The following PRKAR1B variants were observed in gnomAD, a reference collection of about 807,000 sequenced individuals.
PRKAR1B encodes the protein protein kinase cAMP-dependent type I regulatory subunit beta.
In PRKAR1B, 22 loss-of-function variants were observed where a neutral mutation model predicts 46.5. The ratio of observed to expected loss-of-function variants is 0.47; its 90% confidence interval spans 0.34 to 0.68. PRKAR1B has a LOEUF of 0.68. Among genes scored for constraint, PRKAR1B ranks in the 30% least tolerant of loss-of-function variants. PRKAR1B has a pLI of 0.01. For missense variants in PRKAR1B, 445 were observed against 535.6 expected (o/e 0.83, Z 1.67); for synonymous variants, 259 against 217.7 (o/e 1.19, Z -1.67).
intron 7 of PRKAR1B, among the ~76,000 whole-genome samples, chr7:591,555 C>T (rs1342967097): frequency 6.6e-6 from 1 of 152,176 alleles, no homozygotes; most frequent in Non-Finnish European, 1.5e-5. Context: ...AAAACTGGAG[C>T]GTTGATAACG....
chr7:699,854 G>C (rs1411475673), intron 2 of PRKAR1B, among the ~76,000 whole-genome samples: 2 of 152,182 alleles, frequency 1.3e-5, no homozygotes, highest in Non-Finnish European at 2.9e-5. Flanking sequence ...TTAAGAAGGG[G>C]GAGCAGTTCA....
intron 2 of PRKAR1B, among the ~76,000 whole-genome samples, chr7:710,109 T>C (rs748469716): frequency 1.3e-5 from 2 of 152,200 alleles, no homozygotes; most frequent in African/African-American, 4.8e-5. Flanking sequence ...AGAGTTATAT[T>C]CACTCCTTTG....
At chr7:643,735 G>A (rs976272402) in intron 4 of PRKAR1B, among the ~76,000 whole-genome samples, 2 of 151,496 alleles carry the variant, frequency 1.3e-5, no homozygotes, top group African/African-American at 4.9e-5. Flanking sequence ...AAAAAAAAAA[G>A]TCGCAGCTTC....
At chr7:599,367 G>A (rs1370967437) in intron 6 of PRKAR1B, among the ~76,000 whole-genome samples, 2 of 151,388 alleles carry the variant, frequency 1.3e-5, no homozygotes, top group East Asian at 1.9e-4. Flanking sequence ...GTGCGATCTC[G>A]GCTCACCGCA....
chr7:658,710 G>T (rs1442420912), intron 4 of PRKAR1B, among the ~76,000 whole-genome samples: 1 of 152,078 alleles, frequency 6.6e-6, no homozygotes, highest in Non-Finnish European at 1.5e-5. Context: ...GAGTGCAGTG[G>T]TGCATTCTCA....
At chr7:694,298 AAC>A (rs1235334198) in intron 2 of PRKAR1B, among the ~76,000 whole-genome samples, 2 of 152,022 alleles carry the variant, frequency 1.3e-5, no homozygotes, top group Non-Finnish European at 2.9e-5. Flanking sequence ...AAAAAGAAAA[AAC>A]AGTGAGACCC....
intron 2 of PRKAR1B, among the ~76,000 whole-genome samples, chr7:707,343 AT>A (rs1244307538): frequency 1.3e-5 from 2 of 152,120 alleles, no homozygotes; most frequent in South Asian, 2.1e-4. Context: ...CGCCCCTCAG[AT>A]TTTTTTCTTT....
rs1014983486 is a variant in PRKAR1B at position 579,303 on chromosome 7, T to C, written c.844A>G (p.Ile282Val). Residue 282 changes from isoleucine (I) to valine (V), a missense_variant, in exon 9 of 11, where the codon ATT (isoleucine) becomes GTT (valine). Physicochemically the swap from Ile to Val is conservative, Grantham distance 29. Around this residue, in one of 5 missense-constraint regions of PRKAR1B, gnomAD observed 51 missense variants for 85.1 expected, o/e 0.60. Transcript: ENST00000537384. ...TCCCCAGGCTCTCCCTGGACCACAATTTTCTCTCCATCTTCAAACTGGACG... is the reference window on the plus strand; with the variant it reads ...TCCCCAGGCTCTCCCTGGACCACAACTTTCTCTCCATCTTCAAACTGGACG... ...EPVQFEDGEK[I>V]VVQGEPGDDF... 4 of 1,613,994 alleles carry C rather than the reference T, an allele frequency of 2.5e-6. No individual in the cohort carries two copies. The highest frequency in any genetic ancestry group is 1.3e-5 in the African/African-American group (1 of 74,922).
At chr7:709,361 G>GT (rs1246158290) in intron 2 of PRKAR1B, among the ~76,000 whole-genome samples, 1 of 146,760 alleles carries the variant, frequency 6.8e-6, no homozygotes, top group Non-Finnish European at 1.5e-5. Context: ...ATGTGTGTGT[G>GT]TATGTATTTC....
At chr7:687,938 A>C (rs1779182960) in intron 2 of PRKAR1B, among the ~76,000 whole-genome samples, 1 of 151,134 alleles carries the variant, frequency 6.6e-6, no homozygotes, top group African/African-American at 2.4e-5. Flanking sequence ...TCTACCAAAA[A>C]TACAAAAATT....
At chr7:683,851 G>A (rs1288577494) in intron 2 of PRKAR1B, among the ~76,000 whole-genome samples, 1 of 152,262 alleles carries the variant, frequency 6.6e-6, no homozygotes, top group Non-Finnish European at 1.5e-5. Flanking sequence ...CCAGCCCGAT[G>A]TGGCCGTCTG....
chr7:711,453 C>T lies in PRKAR1B; in HGVS notation c.53G>A (p.Cys18Tyr), dbSNP rs1457441061. ...CCCGTGCAGCTGCACGTACAGCTCACAGCCCTTCAGGCTCTCGTCCTCCTC... is the reference window on the plus strand; with the variant it reads ...CCCGTGCAGCTGCACGTACAGCTCATAGCCCTTCAGGCTCTCGTCCTCCTC... ...PSEEDESLKG[C>Y]ELYVQLHGIQ... is the part of the protein sequence containing the mutation. Residue 18 changes from cysteine to tyrosine, a missense_variant, in exon 2 of 11, where the codon TGT becomes TAT. Around this residue, in one of 5 missense-constraint regions of PRKAR1B, gnomAD observed 155 missense variants for 127.5 expected, o/e 1.22. Coordinates refer to ENST00000537384, the MANE Select transcript of PRKAR1B (RefSeq NM_001164760.2). The T allele has an allele frequency of 6.2e-7, 1 of 1,614,212 alleles. No homozygotes were observed. The highest frequency in any genetic ancestry group is 1.1e-5 in the South Asian group (1 of 91,084).
At chr7:576,965 T>C (rs1779871944) in intron 9 of PRKAR1B, among the ~76,000 whole-genome samples, 1 of 151,974 alleles carries the variant, frequency 6.6e-6, no homozygotes, top group Admixed American at 6.5e-5. Flanking sequence ...TCCAACGCCA[T>C]CAGCGGCCTC....
intron 1 of PRKAR1B, 29 bp from the exon 2 acceptor site, chr7:711,556 C>A: frequency 1.3e-6 from 2 of 1,593,860 alleles, no homozygotes; most frequent in Non-Finnish European, 1.7e-6. Context: ...GATCCCCAGG[C>A]CTGAGAGCTG....
intron 7 of PRKAR1B, among the ~76,000 whole-genome samples, chr7:585,743 G>A (rs1002035972): frequency 6.6e-6 from 1 of 152,110 alleles, no homozygotes; most frequent in Non-Finnish European, 1.5e-5. Flanking sequence ...TCCAGAGGCA[G>A]AAACTGCAGC....
At chr7:637,008 T>A (rs1190932426) in intron 4 of PRKAR1B, among the ~76,000 whole-genome samples, 1 of 151,996 alleles carries the variant, frequency 6.6e-6, no homozygotes, top group Non-Finnish European at 1.5e-5. Context: ...TTGAAGGAGG[T>A]GAGGTGTGGT....
intron 7 of PRKAR1B, among the ~76,000 whole-genome samples, chr7:589,949 G>A (rs149008495): frequency 2.1e-3 from 317 of 152,358 alleles, no homozygotes; most frequent in African/African-American, 7.2e-3. Context: ...ACGGCCCTGT[G>A]AGGGTCAGGC....
At chr7:632,332 G>A (rs893154784) in intron 4 of PRKAR1B, among the ~76,000 whole-genome samples, 8 of 152,140 alleles carry the variant, frequency 5.3e-5, no homozygotes, top group African/African-American at 1.9e-4. Context: ...CGCCGAAGCC[G>A]GCACCGGCTT....
chr7:575,086 AT>A lies in PRKAR1B; in HGVS notation c.891+4169del, dbSNP rs1340051370. On this transcript the variant is annotated intron_variant, in intron 9 of 10. Coordinates refer to ENST00000537384, the MANE Select transcript of PRKAR1B (RefSeq NM_001164760.2). ...CCTGAAGTCAGCGACTTAAACCACA[AT>A]TTGTTGTTACCCTTCACAGTTCGGG... Among the ~76,000 whole-genome samples, 3 of 152,260 alleles carry A rather than the reference AT, an allele frequency of 2.0e-5. No homozygotes were observed. The East Asian group carries it at 5.8e-4, about 29-fold the overall frequency.
Sources: gnomAD v4.1 joint callset for allele counts (sites outside exome capture counted in the v4.1 genomes callset) on GRCh38, gnomAD v4.1.1 for gene constraint, gnomAD v4.1.1 regional missense constraint, MANE v1.5 for transcripts, NCBI Gene and HGNC (gene_info 2026-07-23, HGNC 2026-07-21) for gene names.